The following PCDHA2 variants were observed in gnomAD, a reference collection of about 807,000 sequenced individuals.
PCDHA2 encodes protocadherin alpha 2.
A neutral mutation model predicts 66.0 loss-of-function variants in PCDHA2; 58 were observed. The observed-to-expected ratio is 0.88, with a 90% CI of 0.71 to 1.09. The LOEUF (loss-of-function observed/expected upper bound fraction) is 1.09, where lower values mean the gene tolerates loss of function less well. Among genes scored for constraint, PCDHA2 ranks in the 50% least tolerant of loss-of-function variants. PCDHA2 has a pLI of 0.00. For synonymous variants in PCDHA2, 634 were observed against 554.0 expected (o/e 1.14, Z -2.03); for missense variants, 1,267 against 1,242.3 (o/e 1.02, Z -0.30).
chr5:140,796,366 A>G lies in PCDHA2; in HGVS notation c.1402A>G (p.Asn468Asp). The change falls in exon 1 of 4, where the codon AAC (asparagine) becomes GAC (aspartate). Residue 468 changes from asparagine (N) to aspartate (D), a missense_variant. Physicochemically the swap from Asn to Asp is conservative, Grantham distance 23 (BLOSUM62 1). Transcript: ENST00000526136. ...GTACACAGTATTCGTGAAGGAGAAC[A>G]ACCCGCCGGGCTGCCACATCTTCAC... ...PEYTVFVKEN[N>D]PPGCHIFTVS... 1 of 1,614,016 alleles carries G rather than the reference A, an allele frequency of 6.2e-7. No individual in the cohort carries two copies.
chr5:140,900,370 T>G (rs983806569), intron 1 of PCDHA2, among the ~76,000 whole-genome samples: 18 of 152,236 alleles, frequency 1.2e-4, no homozygotes, highest in African/African-American at 4.1e-4. Context: ...CTCTGCCTCC[T>G]GGGTTCAAGC....
rs2150104534 is a variant in PCDHA2, at chr5:140,819,537, T to A, written c.2388+22185T>A. Among the ~76,000 whole-genome samples, 9 of 152,268 alleles carry A rather than the reference T, an allele frequency of 5.9e-5. No individual in the cohort carries two copies. In the East Asian group the frequency reaches 1.5e-3, roughly 26 times the overall value. ...TTAACTGGATCAGTCAAGAAAATAA[T>A]CTGTAACATTTGATTGAAGAAAATA... On this transcript the variant is annotated intron_variant, in intron 1 of 3. Coordinates refer to ENST00000526136, the MANE Select transcript of PCDHA2 (RefSeq NM_018905.3).
chr5:140,850,161 C>G, intron 1 of PCDHA2: 1 of 1,594,998 alleles, frequency 6.3e-7, no homozygotes, highest in Non-Finnish European at 8.6e-7. Context: ...GGTGTTCGTG[C>G]TGGACGAGAA....
intron 1 of PCDHA2, chr5:140,830,300 C>T: frequency 6.2e-7 from 1 of 1,613,888 alleles, no homozygotes; most frequent in Non-Finnish European, 8.5e-7. Flanking sequence ...GGCGGACAAG[C>T]CCACGCTGGT....
intron 1 of PCDHA2, chr5:140,822,746 A>G (rs2150119046): frequency 1.2e-5 from 19 of 1,613,888 alleles, no homozygotes; most frequent in Non-Finnish European, 1.5e-5. Flanking sequence ...GCCATGGATA[A>G]AAGTACATTC....
chr5:140,978,702 T>G (rs1200035752), intron 1 of PCDHA2, among the ~76,000 whole-genome samples: 2 of 152,252 alleles, frequency 1.3e-5, no homozygotes, highest in Non-Finnish European at 2.9e-5. Context: ...AAGCCAAAGG[T>G]GGCCTTTACA....
At chr5:140,817,592 C>T (rs1012738110) in intron 1 of PCDHA2, 1 of 152,152 alleles carries the variant, frequency 6.6e-6, no homozygotes, top group African/African-American at 2.4e-5. Flanking sequence ...TTAATAATTC[C>T]AGGCAACGCT....
intron 1 of PCDHA2, chr5:140,804,887 C>T: frequency 3.1e-6 from 2 of 638,802 alleles, no homozygotes; most frequent in Non-Finnish European, 4.9e-6. Context: ...GACTCCTCTC[C>T]TTCCCCTCAC....
chr5:140,833,525 C>T (rs1216411666), intron 1 of PCDHA2, among the ~76,000 whole-genome samples: 2 of 152,108 alleles, frequency 1.3e-5, no homozygotes, highest in East Asian at 3.8e-4. Flanking sequence ...ATTCATAACA[C>T]ACAAGTGTTC....
At chr5:140,892,927 C>G (rs1554185442) in intron 1 of PCDHA2, among the ~76,000 whole-genome samples, 1 of 152,152 alleles carries the variant, frequency 6.6e-6, no homozygotes, top group African/African-American at 2.4e-5. Context: ...CCTTCCCAGC[C>G]TCTGATAAGC....
chr5:140,823,155 C>A (rs142802947), intron 1 of PCDHA2: 11 of 1,613,730 alleles, frequency 6.8e-6, no homozygotes, highest in African/African-American at 6.7e-5. Context: ...CCCAGTATAC[C>A]GTGTTCGTGA....
intron 1 of PCDHA2, chr5:140,842,876 G>A (rs2150347081): frequency 6.3e-7 from 1 of 1,593,878 alleles, no homozygotes; most frequent in Non-Finnish European, 8.6e-7. Flanking sequence ...CAAGGTGTAC[G>A]CGCTGCAGCC....
At chr5:140,911,312 T>C (rs2075424091) in intron 1 of PCDHA2, among the ~76,000 whole-genome samples, 1 of 152,154 alleles carries the variant, frequency 6.6e-6, no homozygotes, top group African/African-American at 2.4e-5. Context: ...CCATTCCAAG[T>C]TTCAGGATCC....
chr5:140,875,529 G>T (rs369713851), intron 1 of PCDHA2: 5 of 1,613,994 alleles, frequency 3.1e-6, no homozygotes, highest in Admixed American at 1.7e-5. Context: ...TCTCGCTTCT[G>T]CTCCTTGCAG....
chr5:140,890,499 TTA>T (rs1320014650), intron 1 of PCDHA2, among the ~76,000 whole-genome samples: 1 of 152,222 alleles, frequency 6.6e-6, no homozygotes, highest in Non-Finnish European at 1.5e-5. Flanking sequence ...CTCACCATTT[TTA>T]TGTCTCTATT....
chr5:140,889,983 T>C (rs1347862441), intron 1 of PCDHA2, among the ~76,000 whole-genome samples: 1 of 152,208 alleles, frequency 6.6e-6, no homozygotes, highest in Non-Finnish European at 1.5e-5. Flanking sequence ...TCTCCAGTTG[T>C]CTTAGCTTTC....
At chr5:140,861,581 T>C (rs1243387936) in intron 1 of PCDHA2, 6 of 358,060 alleles carry the variant, frequency 1.7e-5, no homozygotes, top group East Asian at 7.9e-5. Flanking sequence ...AGGTTTTCCA[T>C]GTGGAGGTGA....
intron 1 of PCDHA2, chr5:140,856,177 C>G (rs200004763): frequency 6.3e-7 from 1 of 1,598,248 alleles, no homozygotes; most frequent in East Asian, 2.2e-5. Context: ...ACGGCACCTT[C>G]GTGGGCCGCA....
chr5:140,934,337 A>G (rs1404340648), intron 1 of PCDHA2, among the ~76,000 whole-genome samples: 1 of 152,128 alleles, frequency 6.6e-6, no homozygotes, highest in African/African-American at 2.4e-5. Context: ...TGTAATAACC[A>G]CCAGTACAGT....
Sources: gnomAD v4.1 joint callset for allele counts (sites outside exome capture counted in the v4.1 genomes callset) on GRCh38, gnomAD v4.1.1 for gene constraint, MANE v1.5 for transcripts, NCBI Gene and HGNC (gene_info 2026-07-23, HGNC 2026-07-21) for gene names.